Variants in NFIX observed in about 807,000 individuals in gnomAD.
NFIX encodes the protein nuclear factor 1 X-type.
In NFIX, 2 loss-of-function variants were observed where a neutral mutation model predicts 53.3. That is an observed-to-expected ratio of 0.04 (90% confidence interval 0.02 to 0.12). NFIX has a LOEUF of 0.12. Ranked by LOEUF, NFIX falls within the 10% of genes least tolerant of loss-of-function variation. The pLI, the probability that NFIX is intolerant of heterozygous loss-of-function variation, is 1.00. For missense variants in NFIX, 310 were observed against 674.5 expected, an observed-to-expected ratio of 0.46 and a Z score of 5.99; for synonymous variants, 244 against 289.0, an observed-to-expected ratio of 0.84 and a Z score of 1.58.
In NFIX at chr19:13,012,632, TCTC is replaced by T. The variant is rs1599718606; in HGVS notation, c.28-12383_28-12381del. Among the ~76,000 whole-genome samples, 1 of 152,180 alleles carries T rather than the reference TCTC, an allele frequency of 6.6e-6. No individual in the cohort carries two copies. The highest frequency in any genetic ancestry group is 1.5e-5 in the Non-Finnish European group (1 of 68,024). On this transcript the variant is annotated intron_variant, in intron 1 of 10. Coordinates refer to ENST00000592199, the MANE Select transcript of NFIX (RefSeq NM_001365902.3). The surrounding 1 kb of genome is among the most constrained non-coding windows in gnomAD (Gnocchi z 5.0). The stretch of plus-strand genomic sequence containing the variant: ...TCAGGGCCGCCTGTGCCTCAGTTTC[TCTC>T]CTCCTGCGCCCATCCTGACATCCGA...
intron 2 of NFIX, among the ~76,000 whole-genome samples, chr19:13,032,622 C>A (rs1359365644): frequency 1.3e-5 from 2 of 152,128 alleles, no homozygotes; most frequent in East Asian, 3.9e-4. Context: ...GGGCTTCCCA[C>A]CCTAAATCAG....
At position 13,036,559 on chromosome 19, in the gene NFIX, A is replaced by G. The variant is rs986717684; in HGVS notation, c.559+11007A>G. ...GGCGGAGCTGTGTGGAGCGATCGGGAGATCCCCGGAGGCGACCTGCAGGAG... is the reference window on the plus strand; with the variant it reads ...GGCGGAGCTGTGTGGAGCGATCGGGGGATCCCCGGAGGCGACCTGCAGGAG... On this transcript the variant is annotated intron_variant, in intron 2 of 10. Transcript: ENST00000592199. The surrounding 1 kb of genome is among the most constrained non-coding windows in gnomAD (Gnocchi z 4.7). Among the ~76,000 whole-genome samples, 9 of 152,112 alleles carry G rather than the reference A, an allele frequency of 5.9e-5. No individual in the cohort carries two copies. The East Asian group carries it at 1.7e-3, about 29-fold the overall frequency.
chr19:13,094,653 G>T lies in NFIX; in HGVS notation c.*4G>T, dbSNP rs533152277. Reference sequence around the variant, plus strand: ...GTTTCAGTCCTGGTTCCTCTGATAAGATCGACAAAAGAAACAACAAAATGA... The same window carrying T: ...GTTTCAGTCCTGGTTCCTCTGATAATATCGACAAAAGAAACAACAAAATGA... On this transcript the variant is annotated 3_prime_UTR_variant, in exon 11 of 11. Coordinates refer to ENST00000592199, the MANE Select transcript of NFIX (RefSeq NM_001365902.3). This position sits in a 1 kb window ranked among gnomAD's most constrained non-coding sequence, Gnocchi z 4.3. 1 of 1,535,976 alleles carries T rather than the reference G, an allele frequency of 6.5e-7. No individual in the cohort carries two copies. The highest frequency in any genetic ancestry group is 1.4e-5 in the African/African-American group (1 of 72,966).
In NFIX at chr19:13,073,616, A is replaced by T. The variant is rs562771281; in HGVS notation, c.697+120A>T. ...TGGATGGGAACAGATGCTTTCTGGG[A>T]CACTCTCGGCTTCACTGGTGCTGGG... On this transcript the variant is annotated intron_variant, in intron 4 of 10. Transcript: ENST00000592199. The surrounding 1 kb of genome is among the most constrained non-coding windows in gnomAD (Gnocchi z 4.5). 20 of 940,698 alleles carry T rather than the reference A, an allele frequency of 2.1e-5. No homozygotes were observed. The African/African-American group carries it at 3.1e-4, about 14-fold the overall frequency. The allele number at this position is 940,698 out of a possible 1,614,324, so 58.3% of individuals were successfully genotyped here.
In NFIX at chr19:13,051,518, A is replaced by G. The variant is rs2015325545; in HGVS notation, c.560-21529A>G. On this transcript the variant is annotated intron_variant, in intron 2 of 10. Transcript: ENST00000592199. The surrounding 1 kb of genome is among the most constrained non-coding windows in gnomAD (Gnocchi z 5.1). ...CTTCTCTAGCTGGGATTCCAGCTCT[A>G]GTCAGCCAGTGACATCTCCCCCGTA... is the stretch of plus-strand genomic sequence containing the variant. Among the ~76,000 whole-genome samples, 1 of 152,158 alleles carries G rather than the reference A, an allele frequency of 6.6e-6. No individual in the cohort carries two copies. The highest frequency in any genetic ancestry group is 1.5e-5 in the Non-Finnish European group (1 of 68,006).
At position 12,998,058 on chromosome 19, in the gene NFIX, T is replaced by C. The variant is rs1050236585; in HGVS notation, c.27+2194T>C. On this transcript the variant is annotated intron_variant, in intron 1 of 10. Coordinates refer to ENST00000592199, the MANE Select transcript of NFIX (RefSeq NM_001365902.3). This position sits in a 1 kb window ranked among gnomAD's most constrained non-coding sequence, Gnocchi z 4.4. ...TCCCTAACAATCACATCTCTGTTTTTACAAATCTTTCTGCTTCCATGGTTT... is the reference window on the plus strand; with the variant it reads ...TCCCTAACAATCACATCTCTGTTTTCACAAATCTTTCTGCTTCCATGGTTT... 6.6e-5 allele frequency among the ~76,000 whole-genome samples: 10 copies of C among 152,170 alleles called. No individual in the cohort carries two copies. Among genetic ancestry groups the C allele is most frequent in the Non-Finnish European group, 1.3e-4 (9 of 68,034 alleles).
intron 2 of NFIX, among the ~76,000 whole-genome samples, chr19:13,056,625 C>T (rs2015711708): frequency 6.6e-6 from 1 of 152,164 alleles, no homozygotes; most frequent in East Asian, 1.9e-4. Flanking sequence ...CACTCGGGAG[C>T]CCAGTGCCTA....
At chr19:13,083,134 G>A (rs1762453268) in intron 8 of NFIX, among the ~76,000 whole-genome samples, 1 of 152,028 alleles carries the variant, frequency 6.6e-6, no homozygotes, top group South Asian at 2.1e-4. Flanking sequence ...TGGTAGCTTC[G>A]CCCACCTCTC....
intron 2 of NFIX, among the ~76,000 whole-genome samples, chr19:13,041,036 G>T (rs528232828): frequency 6.6e-6 from 1 of 152,312 alleles, no homozygotes; most frequent in African/African-American, 2.4e-5. Flanking sequence ...TCAGTGGAAA[G>T]GTAGCTAGAG....
At chr19:13,064,915 T>C (rs1191681180) in intron 2 of NFIX, among the ~76,000 whole-genome samples, 2 of 152,248 alleles carry the variant, frequency 1.3e-5, no homozygotes, top group African/African-American at 4.8e-5. Flanking sequence ...CACCTTATTA[T>C]ACATGTTTTC....
chr19:12,995,574 G>A lies in NFIX; in HGVS notation c.-264G>A, dbSNP rs1023801766. The A allele has an allele frequency of 1.8e-3, 265 of 146,234 alleles. No homozygotes were observed. The highest frequency in any genetic ancestry group is 3.2e-3 in the Non-Finnish European group (213 of 65,542). The allele number at this position is 146,234 out of a possible 1,614,324, so 9.1% of individuals were successfully genotyped here. On this transcript the variant is annotated 5_prime_UTR_variant, in exon 1 of 11. Transcript: ENST00000592199. ...GGCGGCATGGAGTAGACGCGCGGCG[G>A]CAGCGGCGGCGGCGGCGGACGCGAG...
Position 13,001,466 on chromosome 19 carries a change from G to A in NFIX, c.27+5602G>A, listed in dbSNP as rs1336368399. Among the ~76,000 whole-genome samples the A allele has an allele frequency of 1.3e-5, 2 of 152,028 alleles. No individual in the cohort carries two copies. The highest frequency in any genetic ancestry group is 2.9e-5 in the Non-Finnish European group (2 of 68,014). ...AGTCTCTGTGTCACGGTGGCGCTGCGCACGTCAACGGGTATTGGTGTACCG... is the reference window on the plus strand; with the variant it reads ...AGTCTCTGTGTCACGGTGGCGCTGCACACGTCAACGGGTATTGGTGTACCG... On this transcript the variant is annotated intron_variant, in intron 1 of 10. Transcript: ENST00000592199. This position sits in a 1 kb window ranked among gnomAD's most constrained non-coding sequence, Gnocchi z 6.5.
At chr19:13,079,732 G>A (rs1004131430) in intron 7 of NFIX, among the ~76,000 whole-genome samples, 1 of 152,206 alleles carries the variant, frequency 6.6e-6, no homozygotes, top group East Asian at 1.9e-4. Flanking sequence ...TGGCTCCTCC[G>A]GCTCCACCTC....
In NFIX at chr19:13,040,728, G is replaced by C. The variant is rs1231591097; in HGVS notation, c.559+15176G>C. 6.6e-6 allele frequency among the ~76,000 whole-genome samples: 1 copy of C among 152,180 alleles called. No homozygotes were observed. Among genetic ancestry groups the C allele is most frequent in the East Asian group, 1.9e-4 (1 of 5,192 alleles). On this transcript the variant is annotated intron_variant, in intron 2 of 10. Transcript: ENST00000592199. The surrounding 1 kb of genome is among the most constrained non-coding windows in gnomAD (Gnocchi z 4.2). The stretch of plus-strand genomic sequence containing the variant: ...TGGTTATTAACAATGAATTATTAAA[G>C]GAATGTGAATAGGGAGGGAGGTTTG...
In NFIX at chr19:13,049,756, G is replaced by A. The variant is rs1041770423; in HGVS notation, c.560-23291G>A. On this transcript the variant is annotated intron_variant, in intron 2 of 10. Coordinates refer to ENST00000592199, the MANE Select transcript of NFIX (RefSeq NM_001365902.3). The surrounding 1 kb of genome is among the most constrained non-coding windows in gnomAD (Gnocchi z 4.5). Reference sequence around the variant, plus strand: ...CTACAGGCGCCCGCCACCATGCCCAGCTAATTTTTGTGTTTTTAGTAGAGA... The same window carrying A: ...CTACAGGCGCCCGCCACCATGCCCAACTAATTTTTGTGTTTTTAGTAGAGA... 6.6e-6 allele frequency among the ~76,000 whole-genome samples: 1 copy of A among 152,028 alleles called. No individual in the cohort carries two copies. The highest frequency in any genetic ancestry group is 2.4e-5 in the African/African-American group (1 of 41,386).
Position 13,073,443 on chromosome 19 carries a change from G to C in NFIX, c.644G>C (p.Cys215Ser). ...TCAGGGCACTTAAGTTTCCAGGACT[G>C]TTTTGTGACTTCCGGGGTCTGGAAT... ...LPNGHLSFQDCFVTSGVWNVT... is the reference protein window; with the variant it reads ...LPNGHLSFQDSFVTSGVWNVT... Residue 215 changes from cysteine to serine, a missense_variant, in exon 4 of 11, where the codon TGT becomes TCT. Physicochemically the swap from Cys to Ser is moderately radical, Grantham distance 112 (BLOSUM62 -1). Around this residue, in one of 5 missense-constraint regions of NFIX, gnomAD observed 164 missense variants for 284.4 expected, o/e 0.58. Transcript: ENST00000592199. The surrounding 1 kb of genome is among the most constrained non-coding windows in gnomAD (Gnocchi z 4.5). The C allele has an allele frequency of 6.2e-7, 1 of 1,614,030 alleles. No individual in the cohort carries two copies.
At position 13,084,163 on chromosome 19, in the gene NFIX, T is replaced by TG. The variant is rs553103874; in HGVS notation, c.1254+2311dup. On this transcript the variant is annotated intron_variant, in intron 8 of 10. Transcript: ENST00000592199. ...ATGTCTGCATAGAAGAATTTTAGGC[T>TG]GGGCGTGGTGGCTCACACCTGTAAT... 3.2e-3 allele frequency among the ~76,000 whole-genome samples: 492 copies of TG among 152,300 alleles called. 2 individuals carry two copies. The highest frequency in any genetic ancestry group is 4.4e-3 in the Non-Finnish European group (300 of 68,016).
chr19:13,056,645 C>T (rs1024822029), intron 2 of NFIX, among the ~76,000 whole-genome samples: 1 of 152,182 alleles, frequency 6.6e-6, no homozygotes, highest in African/African-American at 2.4e-5. Context: ...ACACCCGAGG[C>T]CAGGGAACCC....
At chr19:13,004,109 T>C (rs895091318) in intron 1 of NFIX, among the ~76,000 whole-genome samples, 1 of 151,946 alleles carries the variant, frequency 6.6e-6, no homozygotes, top group Non-Finnish European at 1.5e-5. Flanking sequence ...GAGGGGGTGC[T>C]ATTTAGTGAG....
Sources: gnomAD v4.1 joint callset for allele counts (sites outside exome capture counted in the v4.1 genomes callset) on GRCh38, gnomAD v4.1.1 for gene constraint, gnomAD v4.1.1 regional missense constraint, Gnocchi (gnomAD v3.1) non-coding constraint, MANE v1.5 for transcripts, NCBI Gene and HGNC (gene_info 2026-07-23, HGNC 2026-07-21) for gene names.